RNF180: variants seen among roughly 807,000 people sequenced by gnomAD.
RNF180 encodes E3 ubiquitin-protein ligase RNF180.
In RNF180, 38 loss-of-function variants were observed where a neutral mutation model predicts 59.2. The ratio of observed to expected loss-of-function variants is 0.64; its 90% CI spans 0.50 to 0.84. The LOEUF is 0.84. RNF180 is among the 40% of genes least tolerant of loss of function. RNF180 has a pLI of 0.00. For synonymous variants in RNF180, 262 were observed against 240.3 expected (o/e 1.09, Z -0.84); for missense variants, 705 against 700.9 (o/e 1.01, Z -0.07).
intron 7 of RNF180, among the ~76,000 whole-genome samples, chr5:64,361,708 T>C (rs1258084890): frequency 6.6e-6 from 1 of 151,570 alleles, no homozygotes; most frequent in Non-Finnish European, 1.5e-5. Flanking sequence ...AATTAACAGC[T>C]TATCACAAAG....
At chr5:64,276,652 C>T (rs1447470433) in intron 5 of RNF180, among the ~76,000 whole-genome samples, 1 of 151,136 alleles carries the variant, frequency 6.6e-6, no homozygotes, top group East Asian at 1.9e-4. Flanking sequence ...TTCTCACCTA[C>T]CTAGAAATCA....
intron 5 of RNF180, among the ~76,000 whole-genome samples, chr5:64,306,581 C>T (rs1743470260): frequency 6.6e-6 from 1 of 151,610 alleles, no homozygotes; most frequent in African/African-American, 2.4e-5. Context: ...ACCCAAATGT[C>T]CAACAATGAT....
chr5:64,351,174 G>A (rs1225788971), intron 7 of RNF180, among the ~76,000 whole-genome samples: 1 of 152,036 alleles, frequency 6.6e-6, no homozygotes, highest in Non-Finnish European at 1.5e-5. Context: ...TGAAGCAATT[G>A]TGAATGGGAG....
intron 5 of RNF180, among the ~76,000 whole-genome samples, chr5:64,290,343 G>A (rs1368453294): frequency 1.3e-5 from 2 of 152,218 alleles, no homozygotes; most frequent in Non-Finnish European, 1.5e-5. Context: ...TGAGAATAAT[G>A]TATATTCTGT....
chr5:64,288,252 G>A (rs1024215960), intron 5 of RNF180, among the ~76,000 whole-genome samples: 1 of 152,114 alleles, frequency 6.6e-6, no homozygotes, highest in African/African-American at 2.4e-5. Flanking sequence ...CTGTTCCATT[G>A]GTCTATGTGT....
Position 64,330,066 on chromosome 5 carries a change from G to A in RNF180, c.1454-215G>A, listed in dbSNP as rs529161092. ...GCTACTCAGTAGATTTATGTTCTAT[G>A]TGTAGGCATGTCAAAGTTGCACCAA... On this transcript the variant is annotated intron_variant, in intron 6 of 7. Coordinates refer to ENST00000389100, the MANE Select transcript of RNF180 (RefSeq NM_001113561.2). Among the ~76,000 whole-genome samples, 4 of 152,266 alleles carry A rather than the reference G, an allele frequency of 2.6e-5. No individual in the cohort carries two copies. The East Asian group carries it at 5.8e-4, about 22-fold the overall frequency.
At position 64,219,680 on chromosome 5, in the gene RNF180, A is replaced by AT. The variant is rs112730954; in HGVS notation, c.1227+2296dup. ...AAGCGCACGCCACCACGCTCAGCTA[A>AT]TTTTTTTTTTTTGTATTTTTAGTAG... On this transcript the variant is annotated intron_variant, in intron 5 of 7. Transcript: ENST00000389100. 2.0e-3 allele frequency among the ~76,000 whole-genome samples: 289 copies of AT among 147,864 alleles called. 1 individual carries two copies. The highest frequency in any genetic ancestry group is 5.4e-3 in the African/African-American group (220 of 40,590).
chr5:64,299,339 A>G (rs559809074), intron 5 of RNF180, among the ~76,000 whole-genome samples: 1 of 151,994 alleles, frequency 6.6e-6, no homozygotes, highest in Non-Finnish European at 1.5e-5. Flanking sequence ...CAAAATAGTC[A>G]TTATCCTATG....
intron 5 of RNF180, among the ~76,000 whole-genome samples, chr5:64,228,162 G>C (rs1741888046): frequency 6.6e-6 from 1 of 152,146 alleles, no homozygotes; most frequent in Admixed American, 6.5e-5. Flanking sequence ...AATCTTAGAA[G>C]CAATATAATA....
intron 5 of RNF180, among the ~76,000 whole-genome samples, chr5:64,290,615 C>A (rs535010618): frequency 6.6e-6 from 1 of 152,118 alleles, no homozygotes; most frequent in African/African-American, 2.4e-5. Context: ...TTGAATTGAA[C>A]CATTTACCAT....
chr5:64,289,028 T>TGTCATA (rs1742434740), intron 5 of RNF180, among the ~76,000 whole-genome samples: 1 of 152,200 alleles, frequency 6.6e-6, no homozygotes, highest in African/African-American at 2.4e-5. Context: ...GATGTGGGTT[T>TGTCATA]GTCATATATC....
chr5:64,192,939 A>ATATATATATATATATAT (rs1554028955), intron 1 of RNF180, among the ~76,000 whole-genome samples: 85 of 135,360 alleles, frequency 6.3e-4, no homozygotes, highest in African/African-American at 1.1e-3. Context: ...ATATATATAT[A>ATATATATATATATATAT]AAATGAAACA....
At chr5:64,191,201 G>A (rs763055362) in intron 1 of RNF180, among the ~76,000 whole-genome samples, 1 of 152,172 alleles carries the variant, frequency 6.6e-6, no homozygotes, top group Non-Finnish European at 1.5e-5. Context: ...ATTTATTTCT[G>A]TATGGAAAGT....
chr5:64,326,529 G>A (rs1452532338), intron 6 of RNF180, among the ~76,000 whole-genome samples: 1 of 152,048 alleles, frequency 6.6e-6, no homozygotes, highest in Non-Finnish European at 1.5e-5. Flanking sequence ...ATATTCAGCT[G>A]GAGATTGGGA....
intron 5 of RNF180, among the ~76,000 whole-genome samples, chr5:64,285,340 A>G (rs1276882002): frequency 2.0e-5 from 3 of 152,160 alleles, no homozygotes; most frequent in African/African-American, 4.8e-5. Flanking sequence ...GGTTGTATAC[A>G]TATCAGCTGG....
At chr5:64,237,362 T>A (rs1561209409) in intron 5 of RNF180, among the ~76,000 whole-genome samples, 1 of 152,116 alleles carries the variant, frequency 6.6e-6, no homozygotes, top group Non-Finnish European at 1.5e-5. Context: ...GTCCTCTTTT[T>A]TTTTTATTTT....
intron 1 of RNF180, among the ~76,000 whole-genome samples, chr5:64,167,989 T>A (rs1302139411): frequency 6.6e-6 from 1 of 152,176 alleles, no homozygotes; most frequent in Non-Finnish European, 1.5e-5. Flanking sequence ...TGAAACATTT[T>A]CCCTCCTTAA....
chr5:64,228,614 G>A (rs914946225), intron 5 of RNF180, among the ~76,000 whole-genome samples: 7 of 152,082 alleles, frequency 4.6e-5, no homozygotes, highest in African/African-American at 1.7e-4. Context: ...TTCTTAAGCT[G>A]GGCAGTATTA....
chr5:64,302,419 G>C (rs953624789), intron 5 of RNF180, among the ~76,000 whole-genome samples: 1 of 151,326 alleles, frequency 6.6e-6, no homozygotes, highest in Admixed American at 6.6e-5. Flanking sequence ...ATTTTATGTG[G>C]CTCATTCTTT....
Sources: allele counts gnomAD v4.1 joint callset (sites outside exome capture counted in the v4.1 genomes callset), GRCh38; gene constraint gnomAD v4.1.1; transcripts MANE v1.5; gene names NCBI Gene and HGNC (gene_info 2026-07-23, HGNC 2026-07-21).